The following GRIN2A variants were observed in gnomAD, a reference collection of about 807,000 sequenced individuals.
GRIN2A encodes the protein glutamate receptor ionotropic, NMDA 2A.
GRIN2A carries 22 observed loss-of-function variants against 113.4 expected under a neutral mutation model. The observed-to-expected ratio is 0.19, with a 90% confidence interval of 0.14 to 0.28. The LOEUF (loss-of-function observed/expected upper bound fraction) is 0.28. Among genes scored for constraint, GRIN2A ranks in the 10% least tolerant of loss-of-function variants. GRIN2A has a pLI of 1.00. For synonymous variants in GRIN2A, 827 were observed against 738.4 expected, an observed-to-expected ratio of 1.12 and a Z score of -1.94; for missense variants, 1,502 against 1,887.0, an observed-to-expected ratio of 0.80 and a Z score of 3.78.
intron 2 of GRIN2A, among the ~76,000 whole-genome samples, chr16:10,070,976 G>T (rs906621016): frequency 3.9e-5 from 6 of 152,140 alleles, no homozygotes; most frequent in Non-Finnish European, 7.4e-5. Context: ...CTCTTGGAGT[G>T]CCTTGGTCAC....
Position 9,764,821 on chromosome 16 carries a change from G to T in GRIN2A, c.2723C>A (p.Ser908Tyr), listed in dbSNP as rs2141137630. ...GTCCATTCTTGAGGAGTTCATGTTG[G>T]ACATGCTGGAAATGTTTTTGGCTGA... The part of the protein sequence containing the change: ...LRSAKNISSM[S>Y]NMNSSRMDSP... The change falls in exon 13 of 13, where the codon TCC (serine) becomes TAC (tyrosine). Residue 908 changes from serine to tyrosine, a missense_variant. Physicochemically the swap from Ser to Tyr is moderately radical, Grantham distance 144 (BLOSUM62 -2). Around this residue, in one of 7 missense-constraint regions of GRIN2A, gnomAD observed 832 missense variants for 789.7 expected, o/e 1.05. Transcript: ENST00000330684. 6.2e-7 allele frequency: 1 copy of T among 1,614,170 alleles called. No individual in the cohort carries two copies. The highest frequency in any genetic ancestry group is 8.5e-7 in the Non-Finnish European group (1 of 1,180,002).
chr16:10,049,308 T>C (rs952410968), intron 2 of GRIN2A, among the ~76,000 whole-genome samples: 3 of 152,192 alleles, frequency 2.0e-5, no homozygotes, highest in African/African-American at 4.8e-5. Context: ...GTGCTAAGCA[T>C]TTTAGACTCA....
At position 10,051,257 on chromosome 16, in the gene GRIN2A, T is replaced by G. The variant is rs535276034; in HGVS notation, c.415-112706A>C. Reference sequence around the variant, plus strand: ...CACCCACTCTGTACTTTGGGACTGTTTTTCCTCTCCATGGAATTCTAAGCT... The same window carrying G: ...CACCCACTCTGTACTTTGGGACTGTGTTTCCTCTCCATGGAATTCTAAGCT... On this transcript the variant is annotated intron_variant, in intron 2 of 12. Coordinates refer to ENST00000330684, the MANE Select transcript of GRIN2A (RefSeq NM_001134407.3). 9.8e-5 allele frequency among the ~76,000 whole-genome samples: 15 copies of G among 152,294 alleles called. No homozygotes were observed. The South Asian group carries it at 2.9e-3, about 30-fold the overall frequency.
At chr16:10,004,279 C>T (rs1452056050) in intron 2 of GRIN2A, among the ~76,000 whole-genome samples, 3 of 151,844 alleles carry the variant, frequency 2.0e-5, no homozygotes, top group African/African-American at 4.8e-5. Flanking sequence ...GTCCCAGCTA[C>T]TCAGGAGGCT....
chr16:9,911,165 G>T (rs369240790), intron 3 of GRIN2A, among the ~76,000 whole-genome samples: 10 of 152,248 alleles, frequency 6.6e-5, no homozygotes, highest in Admixed American at 3.9e-4. Flanking sequence ...AAGAGTTAGC[G>T]GAGGTCAGCC....
intron 11 of GRIN2A, among the ~76,000 whole-genome samples, chr16:9,780,398 GA>G (rs1043550703): frequency 4.6e-5 from 7 of 151,688 alleles, no homozygotes; most frequent in African/African-American, 9.7e-5. Flanking sequence ...ACCCAGCAAC[GA>G]AAAAAAATAA....
rs1242162646 is a variant in GRIN2A, at chr16:9,840,808, C to G, written c.1498-8G>C. ...TGCCCGTTGATAGACCACCTGGATG[C>G]AAGGCAAAAAAAAAAAAAAAAAAAA... On this transcript the variant is annotated splice_region_variant and splice_polypyrimidine_tract_variant and intron_variant, in intron 6 of 12. Transcript: ENST00000330684. The G allele has an allele frequency of 2.7e-6, 3 of 1,105,092 alleles. No homozygotes were observed. Among genetic ancestry groups the G allele is most frequent in the Non-Finnish European group, 3.8e-6 (3 of 787,622 alleles). 68.5% of individuals were successfully genotyped at this position (1,105,092 alleles called of 1,614,324 possible).
At chr16:10,109,624 C>T (rs12932099) in intron 2 of GRIN2A, among the ~76,000 whole-genome samples, 98,369 of 148,384 alleles carry the variant, frequency 0.66, 33,579 homozygotes, top group Admixed American at 0.75. Flanking sequence ...CAAGAAATAA[C>T]CAGATTACAA....
intron 2 of GRIN2A, among the ~76,000 whole-genome samples, chr16:10,042,507 TGTAC>T (rs1161550086): frequency 6.6e-6 from 1 of 152,180 alleles, no homozygotes; most frequent in African/African-American, 2.4e-5. Context: ...CTCTGGCCAA[TGTAC>T]TGACCACAGC....
At chr16:9,957,489 C>G (rs2045335172) in intron 2 of GRIN2A, among the ~76,000 whole-genome samples, 1 of 152,284 alleles carries the variant, frequency 6.6e-6, no homozygotes, top group South Asian at 2.1e-4. Flanking sequence ...CCATGTGAAA[C>G]CCCAATTCAC....
In GRIN2A at chr16:9,801,844, C is replaced by T. The variant is rs112867409; in HGVS notation, c.2169-3380G>A. On this transcript the variant is annotated intron_variant, in intron 10 of 12. Transcript: ENST00000330684. The stretch of plus-strand genomic sequence containing the variant: ...CATGGCCTGACTGTCATCTTAGGGC[C>T]ATGTCAGAACTGAAGTGATTACAAC... Among the ~76,000 whole-genome samples, 188 of 152,246 alleles carry T rather than the reference C, an allele frequency of 1.2e-3. 1 individual carries two copies. The highest frequency in any genetic ancestry group is 4.3e-3 in the African/African-American group (177 of 41,534).
chr16:9,845,971 T>A (rs1181815663), intron 5 of GRIN2A, among the ~76,000 whole-genome samples: 2 of 152,352 alleles, frequency 1.3e-5, no homozygotes, highest in East Asian at 3.9e-4. Context: ...GCAATGTGCC[T>A]AACATGCAAA....
chr16:10,124,292 T>C (rs916504216), intron 2 of GRIN2A, among the ~76,000 whole-genome samples: 7 of 152,072 alleles, frequency 4.6e-5, no homozygotes, highest in African/African-American at 1.7e-4. Context: ...ACTTACAACA[T>C]TGGGATAATA....
intron 2 of GRIN2A, among the ~76,000 whole-genome samples, chr16:10,132,131 AGGCCAGCCT>A (rs2049076846): frequency 6.6e-6 from 1 of 152,110 alleles, no homozygotes; most frequent in South Asian, 2.1e-4. Context: ...CAGGAATTCA[AGGCCAGCCT>A]GGCCAACATA....
intron 2 of GRIN2A, among the ~76,000 whole-genome samples, chr16:9,984,748 T>C (rs2141790164): frequency 6.6e-6 from 1 of 152,362 alleles, no homozygotes; most frequent in East Asian, 1.9e-4. Context: ...ATGGGATTTA[T>C]AGTTGTGATT....
intron 2 of GRIN2A, among the ~76,000 whole-genome samples, chr16:9,993,126 G>A (rs970380223): frequency 6.6e-6 from 1 of 152,060 alleles, no homozygotes; most frequent in African/African-American, 2.4e-5. Context: ...GCTACTCCTC[G>A]GGAGGCTGAG....
intron 10 of GRIN2A, among the ~76,000 whole-genome samples, chr16:9,811,199 C>G (rs921667864): frequency 6.6e-6 from 1 of 152,178 alleles, no homozygotes; most frequent in African/African-American, 2.4e-5. Context: ...GACCTTGTAA[C>G]AGATAGGTAC....
At position 9,754,182 on chromosome 16, in the gene GRIN2A, A is replaced by G. The variant is rs1032830106; in HGVS notation, c.*8967T>C. 3.2e-5 allele frequency: 6 copies of G among 188,052 alleles called. No individual in the cohort carries two copies. The highest frequency in any genetic ancestry group is 6.7e-5 in the Non-Finnish European group (6 of 89,380). 11.6% of individuals were successfully genotyped at this position (188,052 alleles called of 1,614,324 possible). On this transcript the variant is annotated 3_prime_UTR_variant, in exon 13 of 13. Coordinates refer to ENST00000330684, the MANE Select transcript of GRIN2A (RefSeq NM_001134407.3). ...ATACTATACATAAACATATACACAT[A>G]AACATTCTGGGGTGATATAAACTAT...
At chr16:9,768,513 G>C (rs1015578112) in intron 12 of GRIN2A, among the ~76,000 whole-genome samples, 6 of 152,144 alleles carry the variant, frequency 3.9e-5, no homozygotes, top group Non-Finnish European at 7.4e-5. Flanking sequence ...TGGCTGCCAC[G>C]CTACTGGTGA....
Sources: allele counts gnomAD v4.1 joint callset (sites outside exome capture counted in the v4.1 genomes callset), GRCh38; gene constraint gnomAD v4.1.1; regional missense constraint gnomAD v4.1.1; transcripts MANE v1.5; gene names NCBI Gene and HGNC (gene_info 2026-07-23, HGNC 2026-07-21).